Variants in ZNF397 observed in about 807,000 individuals in gnomAD.
The protein encoded by ZNF397 is zinc finger protein 397.
In ZNF397, 38 loss-of-function variants were observed where a neutral mutation model predicts 50.6. The observed-to-expected ratio is 0.75, with a 90% confidence interval of 0.58 to 0.98. ZNF397 has a LOEUF of 0.98. Among genes scored for constraint, ZNF397 ranks in the 50% least tolerant of loss-of-function variants. The probability of loss-of-function intolerance (pLI) is 0.00; values close to 1 mark genes in which losing one functional copy is unlikely to be tolerated. For synonymous variants in ZNF397, 228 were observed against 215.2 expected (o/e 1.06, Z -0.52); for missense variants, 624 against 624.1 (o/e 1.00, Z 0.00).
chr18:35,243,170 G>A lies in ZNF397; in HGVS notation c.433G>A (p.Gly145Arg). The A allele has an allele frequency of 1.2e-6, 2 of 1,614,122 alleles. No homozygotes were observed. The highest frequency in any genetic ancestry group is 1.7e-6 in the Non-Finnish European group (2 of 1,180,026). Residue 145 changes from glycine to arginine, a missense_variant, in exon 3 of 4, where the codon GGA becomes AGA. By Grantham distance (125) the Gly-to-Arg change is moderately radical. Transcript: ENST00000330501. ...PGQQVPASPQ[G>R]PAVPWKDLTC... ...ATTTCAGGTCCCAGCTAGTCCACAG[G>A]GACCAGCAGTGCCATGGAAGGATTT...
rs183089972 is a variant in ZNF397 at position 35,254,911 on chromosome 18, T to G, written c.817+509T>G. 3.5e-3 allele frequency: 565 copies of G among 159,668 alleles called. 4 individuals are homozygous for G. The highest frequency in any genetic ancestry group is 0.013 in the African/African-American group (532 of 41,600). 9.9% of individuals were successfully genotyped at this position (159,668 alleles called of 1,614,324 possible). ...GCATTAAGGCAATTTCAGATTCTGA[T>G]AGGTTCCAAATGAATTAAATAATTA... On this transcript the variant is annotated intron_variant, in intron 5 of 5. Coordinates refer to the ZNF397 transcript ENST00000261333.
downstream of ZNF397, chr18:35,251,006 A>C (rs528381942): frequency 6.6e-6 from 1 of 152,360 alleles, no homozygotes; most frequent in South Asian, 2.1e-4. Flanking sequence ...TCCTAGCATT[A>C]TCTCTGTTCA....
At position 35,242,549 on chromosome 18, in the gene ZNF397, G is replaced by A; in HGVS notation, c.79G>A (p.Glu27Lys). 1.9e-6 allele frequency: 3 copies of A among 1,614,208 alleles called. No individual in the cohort carries two copies. Among genetic ancestry groups the A allele is most frequent in the South Asian group, 1.1e-5 (1 of 91,082 alleles). ...ACAAGAACTAATACTAGTGAAAGTA[G>A]AAGATAACTTTTCCTGGGATGAGAA... ...PEQELILVKVEDNFSWDEKFK... is the reference protein window; with the variant it reads ...PEQELILVKVKDNFSWDEKFK... Residue 27 changes from glutamate (E) to lysine (K), a missense_variant, in exon 2 of 4, where the codon GAA (glutamate) becomes AAA (lysine). Transcript: ENST00000330501.
In ZNF397 at chr18:35,242,680, A is replaced by C; in HGVS notation, c.210A>C (p.Arg70=). 4.3e-6 allele frequency: 7 copies of C among 1,614,128 alleles called. No homozygotes were observed. Among genetic ancestry groups the C allele is most frequent in the Non-Finnish European group, 5.9e-6 (7 of 1,180,026 alleles). ...CTGGGCCCCGGGAGGCTCTGAGCCG[A>C]CTCCAGGAACTTTGCTATCAGTGGC... ...ETPGPREALS[R]LQELCYQWLM... is the part of the protein sequence containing the mutation. Residue 70 remains arginine (R), a synonymous_variant, in exon 2 of 4, where the codon CGA becomes CGC. Transcript: ENST00000330501.
In ZNF397 at chr18:35,246,828, A is replaced by G. The variant is rs2043491007; in HGVS notation, c.*518A>G. On this transcript the variant is annotated 3_prime_UTR_variant, in exon 4 of 4. Coordinates refer to ENST00000330501, the MANE Select transcript of ZNF397 (RefSeq NM_001135178.3). ...AGGCCAGGAATTAGATAGGCATGAG[A>G]AGAAAGAATATAATTTACCCAAAGG... is the stretch of plus-strand genomic sequence containing the variant. 5.1e-6 allele frequency: 5 copies of G among 985,992 alleles called. No homozygotes were observed. The African/African-American group carries it at 8.7e-5, about 17-fold the overall frequency. The allele number at this position is 985,992 out of a possible 1,614,324, so 61.1% of individuals were successfully genotyped here. A position where few individuals can be genotyped will look rare whatever the true frequency, so the allele number is the denominator to read the frequency against.
At chr18:35,243,086 G>C in intron 2 of ZNF397, 66 bp from the exon 3 acceptor site, 1 of 1,607,212 alleles carries the variant, frequency 6.2e-7, no homozygotes, top group Non-Finnish European at 8.5e-7. Context: ...ACCTCTTTGA[G>C]ATTTTTACTA....
chr18:35,253,093 G>C (rs2043653596), downstream of ZNF397: 1 of 182,458 alleles, frequency 5.5e-6, no homozygotes, highest in Admixed American at 5.6e-5. Flanking sequence ...CTTATAAGAA[G>C]CTCTTTCAGG....
intron 5 of ZNF397, chr18:35,257,558 C>A (rs181260749): frequency 8.3e-6 from 2 of 240,280 alleles, no homozygotes; most frequent in East Asian, 2.1e-4. Context: ...TTACCAAATA[C>A]AAAATCTGCT....
Position 35,245,897 on chromosome 18 carries a change from G to C in ZNF397, c.1192G>C (p.Glu398Gln). 1.3e-6 allele frequency: 2 copies of C among 1,563,926 alleles called. No individual in the cohort carries two copies. The highest frequency in any genetic ancestry group is 1.7e-6 in the Non-Finnish European group (2 of 1,154,124). ...QRIHTGEKPY[E>Q]CNECGKTFSQ... ...AATTCACACTGGTGAGAAACCTTAT[G>C]AGTGTAATGAATGTGGGAAAACCTT... Residue 398 changes from glutamate (E) to glutamine (Q), a missense_variant, in exon 4 of 4, where the codon GAG becomes CAG. Transcript: ENST00000330501.
At chr18:35,253,655 A>C (rs1450896387), downstream of ZNF397, 1 of 1,613,810 alleles carries the variant, frequency 6.2e-7, no homozygotes, top group Non-Finnish European at 8.5e-7. Context: ...TTCAATAAGG[A>C]TAGAACTCCT....
downstream of ZNF397, chr18:35,251,252 T>C (rs567315858): frequency 1.3e-5 from 2 of 152,188 alleles, no homozygotes; most frequent in African/African-American, 4.8e-5. Context: ...CTATGGGCAT[T>C]GGGATTGGGG....
chr18:35,242,129 T>C (rs72959614), intron 1 of ZNF397, among the ~76,000 whole-genome samples: 2,399 of 152,336 alleles, frequency 0.016, 44 homozygotes, highest in Non-Finnish European at 0.02. Context: ...ATTTTCTCAC[T>C]ATGTGATTGA....
chr18:35,252,460 A>G (rs560924530), downstream of ZNF397: 2 of 152,240 alleles, frequency 1.3e-5, no homozygotes, highest in East Asian at 1.9e-4. Flanking sequence ...CTGAGCTATT[A>G]TACTTGAGGG....
intron 5 of ZNF397, chr18:35,257,899 C>T: frequency 2.6e-6 from 2 of 781,058 alleles, no homozygotes; most frequent in Non-Finnish European, 2.4e-6. Flanking sequence ...TTTTCCCTTC[C>T]TAATCCTGCT....
At chr18:35,242,996 G>T (rs1294218098) in intron 2 of ZNF397, 112 bp downstream of exon 2, 3 of 1,480,216 alleles carry the variant, frequency 2.0e-6, no homozygotes, top group Non-Finnish European at 2.7e-6. Context: ...CTAACCTGAA[G>T]TGACTAATAG....
intron 3 of ZNF397, among the ~76,000 whole-genome samples, chr18:35,244,585 G>GA (rs1164004361): frequency 6.6e-5 from 10 of 152,132 alleles, no homozygotes; most frequent in Admixed American, 1.3e-4. Context: ...TAGAATCTAA[G>GA]AAGGAACAGC....
At chr18:35,254,018 C>T, downstream of ZNF397, 3 of 1,614,092 alleles carry the variant, frequency 1.9e-6, no homozygotes, top group East Asian at 4.5e-5. Flanking sequence ...GGCCTTCCCA[C>T]AGTCAAAGCA....
At chr18:35,255,095 A>G (rs1006976698) in intron 5 of ZNF397, 1 of 151,964 alleles carries the variant, frequency 6.6e-6, no homozygotes, top group Non-Finnish European at 1.5e-5. Context: ...TTTAAAATGT[A>G]TAAGTATCAA....
downstream of ZNF397, chr18:35,254,733 GA>G (rs1372833018): frequency 2.8e-5 from 9 of 324,974 alleles, no homozygotes; most frequent in South Asian, 9.1e-5. Flanking sequence ...AGATAATCAG[GA>G]AAAAAAAGTT....
Sources: gnomAD v4.1 joint callset for allele counts (sites outside exome capture counted in the v4.1 genomes callset) on GRCh38, gnomAD v4.1.1 for gene constraint, MANE v1.5 for transcripts, NCBI Gene and HGNC (gene_info 2026-07-23, HGNC 2026-07-21) for gene names.